The following SDF2 variants were observed in gnomAD, a reference collection of about 807,000 sequenced individuals.
The protein encoded by SDF2 is stromal cell-derived factor 2.
A neutral mutation model predicts 20.5 loss-of-function variants in SDF2; 12 were observed. That is an observed-to-expected ratio of 0.58 (90% CI 0.37 to 0.95). The LOEUF is 0.95. Among genes scored for constraint, SDF2 ranks in the 40% least tolerant of loss-of-function variants. SDF2 has a pLI of 0.01. For synonymous variants in SDF2, 100 were observed against 101.0 expected (o/e 0.99, Z 0.06); for missense variants, 238 against 263.1 (o/e 0.90, Z 0.66).
rs1166279931 is a variant in SDF2 at position 28,649,182 on chromosome 17, A to G, written c.443T>C (p.Val148Ala). 1 of 1,614,144 alleles carries G rather than the reference A, an allele frequency of 6.2e-7. No homozygotes were observed. The highest frequency in any genetic ancestry group is 1.1e-5 in the South Asian group (1 of 91,084). ...NGPYWVRDGE[V>A]RFKHSSTEVL... is the part of the protein sequence containing the mutation. ...CTCAGTGGAAGAGTGTTTGAACCGC[A>G]CCTCACCATCTCTCACCCAGTAGGG... Residue 148 changes from valine to alanine, a missense_variant, in exon 3 of 3, where the codon GTG (valine) becomes GCG (alanine). By Grantham distance (64) the Val-to-Ala change is moderately conservative. Transcript: ENST00000247020.
intron 2 of SDF2, among the ~76,000 whole-genome samples, chr17:28,653,894 CATTA>C (rs1257761917): frequency 1.3e-5 from 2 of 152,142 alleles, no homozygotes. Flanking sequence ...AATATTGCTT[CATTA>C]AATATAGCAA....
chr17:28,653,480 A>C (rs987905871), intron 2 of SDF2, among the ~76,000 whole-genome samples: 3 of 152,232 alleles, frequency 2.0e-5, no homozygotes, highest in Non-Finnish European at 4.4e-5. Flanking sequence ...TGGCAAGTAT[A>C]TGTAATGTGG....
chr17:28,653,622 G>A (rs773821968), intron 2 of SDF2, among the ~76,000 whole-genome samples: 2 of 152,120 alleles, frequency 1.3e-5, no homozygotes, highest in Non-Finnish European at 1.5e-5. Flanking sequence ...GACCAACCTG[G>A]ACAACATGGT....
intron 1 of SDF2, among the ~76,000 whole-genome samples, chr17:28,657,404 AT>A (rs112350318): frequency 1.3e-3 from 189 of 145,992 alleles, no homozygotes; most frequent in Admixed American, 1.6e-3. Context: ...ATATATATGT[AT>A]TTTTTTTTTT....
intron 1 of SDF2, chr17:28,656,341 T>C (rs1173292134): frequency 6.6e-6 from 1 of 152,010 alleles, no homozygotes; most frequent in East Asian, 1.9e-4. Context: ...ATCCTAGCAC[T>C]TTTTGGGAGG....
At chr17:28,656,310 G>A (rs763677995) in intron 1 of SDF2, 5 of 152,080 alleles carry the variant, frequency 3.3e-5, no homozygotes, top group Non-Finnish European at 7.4e-5. Context: ...TTTAGGCTGG[G>A]TGTGGTGGCT....
intron 1 of SDF2, chr17:28,655,732 TCTTTGCGTG>T: frequency 1.8e-6 from 1 of 555,524 alleles, no homozygotes; most frequent in Non-Finnish European, 3.2e-6. Context: ...GCCAAGCCCA[TCTTTGCGTG>T]CTTGCATCCA....
rs762581679 is a variant in SDF2, at chr17:28,661,743, T to A, written c.134A>T (p.Asp45Val). Residue 45 changes from aspartate to valine, a missense_variant, in exon 1 of 3, where the codon GAC (aspartate) becomes GTC (valine). Physicochemically the swap from Asp to Val is radical, Grantham distance 152. Coordinates refer to ENST00000247020, the MANE Select transcript of SDF2 (RefSeq NM_006923.4). ...AGCATTACCTGACCCATAGCGCACGTCGTGTGAGTGCAGTCGGACGTTGTG... is the reference window on the plus strand; with the variant it reads ...AGCATTACCTGACCCATAGCGCACGACGTGTGAGTGCAGTCGGACGTTGTG... ...TRHNVRLHSH[D>V]VRYGSGSGQQ... is the part of the protein sequence containing the mutation. The A allele has an allele frequency of 2.5e-6, 4 of 1,613,664 alleles. No individual in the cohort carries two copies. The South Asian group carries it at 3.3e-5, about 13-fold the overall frequency.
chr17:28,654,369 C>A (rs1490115876), intron 2 of SDF2, among the ~76,000 whole-genome samples: 5 of 149,054 alleles, frequency 3.4e-5, no homozygotes, highest in East Asian at 2.0e-4. Context: ...AAAAAAAAAA[C>A]ACTGCAAGTT....
intron 1 of SDF2, among the ~76,000 whole-genome samples, chr17:28,656,488 T>C (rs2071963663): frequency 6.6e-6 from 1 of 152,012 alleles, no homozygotes. Context: ...TCTGGGAGGC[T>C]GAGGTGGGAG....
chr17:28,653,062 A>G (rs2071928087), intron 2 of SDF2, among the ~76,000 whole-genome samples: 1 of 152,248 alleles, frequency 6.6e-6, no homozygotes, highest in Admixed American at 6.5e-5. Flanking sequence ...ATATGTAGAT[A>G]TTCCACCCTA....
intron 2 of SDF2, among the ~76,000 whole-genome samples, chr17:28,652,085 T>C (rs1180690535): frequency 2.0e-4 from 30 of 152,074 alleles, no homozygotes; most frequent in Non-Finnish European, 7.3e-5. Flanking sequence ...GCAAGAGGAC[T>C]GCTTGAGCCA....
intron 1 of SDF2, among the ~76,000 whole-genome samples, chr17:28,657,338 G>A (rs1486190495): frequency 6.6e-6 from 1 of 152,088 alleles, no homozygotes; most frequent in Non-Finnish European, 1.5e-5. Flanking sequence ...CTTGAGTCCA[G>A]GAGTTCGAGA....
intron 1 of SDF2, 125 bp from the exon 2 acceptor site, chr17:28,655,608 C>G (rs956737896): frequency 8.7e-6 from 7 of 806,306 alleles, no homozygotes; most frequent in South Asian, 3.3e-5. Context: ...AAGGAAGACA[C>G]GCTGCTGGAG....
chr17:28,650,693 G>A (rs549724412), intron 2 of SDF2, among the ~76,000 whole-genome samples: 1 of 151,068 alleles, frequency 6.6e-6, no homozygotes, highest in Admixed American at 6.6e-5. Context: ...GGCTGAAGCA[G>A]GAGAATCGCT....
intron 1 of SDF2, 90 bp from the exon 2 acceptor site, chr17:28,655,573 T>C: frequency 1.1e-5 from 12 of 1,142,364 alleles, no homozygotes. Flanking sequence ...AGATTCACCT[T>C]CACCTGTAAC....
intron 1 of SDF2, among the ~76,000 whole-genome samples, chr17:28,657,151 C>A (rs531660702): frequency 1.3e-5 from 2 of 152,034 alleles, no homozygotes; most frequent in African/African-American, 4.8e-5. Flanking sequence ...TGCTTGCATC[C>A]GGGAGGCGGA....
rs571031185 is a variant in SDF2 at position 28,659,215 on chromosome 17, C to T, written c.151+2511G>A. On this transcript the variant is annotated intron_variant, in intron 1 of 2. Coordinates refer to ENST00000247020, the MANE Select transcript of SDF2 (RefSeq NM_006923.4). ...GCTCCTCACATCCCAGACGGGGTGGCGGCCAGGCAGAGGCGCTCCCCACTT... is the reference window on the plus strand; with the variant it reads ...GCTCCTCACATCCCAGACGGGGTGGTGGCCAGGCAGAGGCGCTCCCCACTT... 2.6e-3 allele frequency among the ~76,000 whole-genome samples: 345 copies of T among 134,436 alleles called. 4 individuals are homozygous for T. The highest frequency in any genetic ancestry group is 0.015 in the East Asian group (60 of 4,106). 88.2% of individuals were successfully genotyped at this position (134,436 alleles called of 152,430 possible).
Position 28,649,284 on chromosome 17 carries a change from A to AT in SDF2, c.349-9dup, listed in dbSNP as rs1250855969. ...ACCAAAAGCACTCACTTCCTAGAAAATACAGAAGGTAGTAACATCAGCATG... is the reference window on the plus strand; with the variant it reads ...ACCAAAAGCACTCACTTCCTAGAAAATTACAGAAGGTAGTAACATCAGCATG... On this transcript the variant is annotated splice_polypyrimidine_tract_variant and intron_variant, in intron 2 of 2. Coordinates refer to ENST00000247020, the MANE Select transcript of SDF2 (RefSeq NM_006923.4). 1.9e-6 allele frequency: 3 copies of AT among 1,612,292 alleles called. No homozygotes were observed. The highest frequency in any genetic ancestry group is 2.5e-6 in the Non-Finnish European group (3 of 1,179,486).
Sources: gnomAD v4.1 joint callset for allele counts (sites outside exome capture counted in the v4.1 genomes callset) on GRCh38, gnomAD v4.1.1 for gene constraint, MANE v1.5 for transcripts, NCBI Gene and HGNC (gene_info 2026-07-23, HGNC 2026-07-21) for gene names.